Variants in FBXL17 observed in about 807,000 individuals in gnomAD.
FBXL17 encodes F-box/LRR-repeat protein 17.
In FBXL17, 22 loss-of-function variants were observed where a neutral mutation model predicts 66.2. That is an observed-to-expected ratio of 0.33 (90% CI 0.24 to 0.47). The LOEUF (loss-of-function observed/expected upper bound fraction) is 0.47. FBXL17 is among the 20% of genes least tolerant of loss of function. The probability of loss-of-function intolerance (pLI) is 1.00; values close to 1 mark genes in which losing one functional copy is unlikely to be tolerated. For missense variants in FBXL17, 878 were observed against 948.2 expected (o/e 0.93, Z 0.97); for synonymous variants, 474 against 400.5 (o/e 1.18, Z -2.19).
At chr5:108,141,907 C>T (rs149410946) in intron 6 of FBXL17, among the ~76,000 whole-genome samples, 5 of 152,348 alleles carry the variant, frequency 3.3e-5, no homozygotes, top group Admixed American at 6.5e-5. Flanking sequence ...ACTACTCCCA[C>T]CCCAAGTTGA....
chr5:108,138,958 T>G (rs1480066328), intron 6 of FBXL17, among the ~76,000 whole-genome samples: 1 of 152,182 alleles, frequency 6.6e-6, no homozygotes, highest in Non-Finnish European at 1.5e-5. Context: ...TCAGATTTAG[T>G]AACTCATTGA....
At position 108,051,034 on chromosome 5, in the gene FBXL17, CAAG is replaced by C. The variant is rs549702759; in HGVS notation, c.1746-30036_1746-30034del. ...CAGATACACCTTCCAAAGACTAAAC[CAAG>C]AAGAAGCTGAATCCCTGAATAGACC... On this transcript the variant is annotated intron_variant, in intron 6 of 8. Coordinates refer to ENST00000542267, the MANE Select transcript of FBXL17 (RefSeq NM_001163315.3). 1.0e-3 allele frequency among the ~76,000 whole-genome samples: 156 copies of C among 152,112 alleles called. 1 individual carries two copies. The South Asian group carries it at 0.013, about 13-fold the overall frequency.
At chr5:108,006,477 C>T (rs1322028702) in intron 7 of FBXL17, among the ~76,000 whole-genome samples, 1 of 152,030 alleles carries the variant, frequency 6.6e-6, no homozygotes, top group South Asian at 2.1e-4. Context: ...AATAGTGATG[C>T]CATTTACACA....
Position 108,341,026 on chromosome 5 carries a change from G to A in FBXL17, c.1506+7373C>T, listed in dbSNP as rs956756333. Among the ~76,000 whole-genome samples the A allele has an allele frequency of 6.6e-5, 10 of 152,102 alleles. No individual in the cohort carries two copies. In the East Asian group the frequency reaches 1.3e-3, roughly 21 times the overall value. The stretch of plus-strand genomic sequence containing the variant: ...CTCATATATGCCGTAGAGAACTCTT[G>A]AAGATGAGCACAAGAGATTTATACA... On this transcript the variant is annotated intron_variant, in intron 4 of 8. Coordinates refer to ENST00000542267, the MANE Select transcript of FBXL17 (RefSeq NM_001163315.3).
At chr5:108,267,595 T>C (rs1379125187) in intron 4 of FBXL17, among the ~76,000 whole-genome samples, 1 of 152,108 alleles carries the variant, frequency 6.6e-6, no homozygotes, top group Non-Finnish European at 1.5e-5. Flanking sequence ...ATCTATGGTT[T>C]ATTAAACAAA....
At chr5:107,880,957 GAGA>G (rs1424292992) in intron 8 of FBXL17, 77 bp downstream of exon 8, 2 of 1,610,802 alleles carry the variant, frequency 1.2e-6, no homozygotes, top group African/African-American at 1.3e-5. Context: ...GGTGGAGATA[GAGA>G]AGGAGAGAGG....
Position 108,381,072 on chromosome 5 carries a change from C to G in FBXL17, c.620G>C (p.Cys207Ser). Residue 207 changes from cysteine to serine, a missense_variant, in exon 1 of 9, where the codon TGC becomes TCC. Around this residue, in one of 4 missense-constraint regions of FBXL17, gnomAD observed 605 missense variants for 509.5 expected, o/e 1.19. Transcript: ENST00000542267. ...GCAGCGGGGCTGCTTGCAGGGGGTG[C>G]AGGCGGGGACCCCGGCCCCCTTCCG... ...CKRKGAGVPA[C>S]TPCKQPRCGG... 1.6e-6 allele frequency: 2 copies of G among 1,237,126 alleles called. No individual in the cohort carries two copies. The highest frequency in any genetic ancestry group is 2.0e-6 in the Non-Finnish European group (2 of 990,694). 76.6% of individuals were successfully genotyped at this position (1,237,126 alleles called of 1,614,324 possible).
chr5:107,879,682 C>G (rs1748720425), intron 8 of FBXL17: 3 of 985,326 alleles, frequency 3.0e-6, no homozygotes, highest in African/African-American at 1.7e-5. Flanking sequence ...TTAGAAGATG[C>G]ATGCCCTTTG....
chr5:108,058,935 A>G (rs1443890619), intron 6 of FBXL17, among the ~76,000 whole-genome samples: 1 of 152,186 alleles, frequency 6.6e-6, no homozygotes, highest in African/African-American at 2.4e-5. Flanking sequence ...AGCCCAAATC[A>G]TCATTTCCCA....
At chr5:108,076,199 G>C (rs1056851686) in intron 6 of FBXL17, among the ~76,000 whole-genome samples, 1 of 152,082 alleles carries the variant, frequency 6.6e-6, no homozygotes, top group African/African-American at 2.4e-5. Context: ...TTATATCTTT[G>C]GATGTGAGCT....
intron 7 of FBXL17, among the ~76,000 whole-genome samples, chr5:107,926,665 G>T (rs1750535136): frequency 6.6e-6 from 1 of 151,826 alleles, no homozygotes; most frequent in Non-Finnish European, 1.5e-5. Context: ...GATAGGGAAA[G>T]AAGTAAATGC....
intron 7 of FBXL17, among the ~76,000 whole-genome samples, chr5:107,986,081 G>C (rs1450674495): frequency 6.6e-6 from 1 of 152,056 alleles, no homozygotes; most frequent in Non-Finnish European, 1.5e-5. Context: ...CTTTTGACTA[G>C]AGATATAATC....
Position 108,381,449 on chromosome 5 carries a change from C to T in FBXL17, c.243G>A (p.Pro81=). The change falls in exon 1 of 9, where the codon CCG becomes CCA. Residue 81 remains proline, a synonymous_variant. Transcript: ENST00000542267. The part of the protein sequence containing the change: ...PAPAGPEEEP[P]LSPPPRDGAY... The stretch of plus-strand genomic sequence containing the variant: ...CCCCGTCCCGCGGCGGCGGCGAGAG[C>T]GGCGGCTCCTCCTCTGGGCCGGCGG... The T allele has an allele frequency of 1.5e-6, 2 of 1,316,076 alleles. No homozygotes were observed. Among genetic ancestry groups the T allele is most frequent in the South Asian group, 2.2e-5 (1 of 44,524 alleles). The allele number at this position is 1,316,076 out of a possible 1,614,324, so 81.5% of individuals were successfully genotyped here. A position where few individuals can be genotyped will look rare whatever the true frequency, so the allele number is the denominator to read the frequency against.
At chr5:107,971,569 A>G (rs934281932) in intron 7 of FBXL17, among the ~76,000 whole-genome samples, 1 of 152,080 alleles carries the variant, frequency 6.6e-6, no homozygotes, top group African/African-American at 2.4e-5. Context: ...CTCTTTTCTC[A>G]TAAGCTACAA....
chr5:108,264,870 G>T (rs1756983834), intron 4 of FBXL17, among the ~76,000 whole-genome samples: 1 of 151,228 alleles, frequency 6.6e-6, no homozygotes, highest in Non-Finnish European at 1.5e-5. Flanking sequence ...ATTTCCTAAT[G>T]CTATCTAGTA....
At chr5:107,974,215 A>G (rs538727304) in intron 7 of FBXL17, among the ~76,000 whole-genome samples, 1 of 152,308 alleles carries the variant, frequency 6.6e-6, no homozygotes, top group Non-Finnish European at 1.5e-5. Context: ...CAATATAAGA[A>G]GTTAAAGATA....
chr5:108,009,746 T>C (rs1176048464), intron 7 of FBXL17, among the ~76,000 whole-genome samples: 2 of 152,172 alleles, frequency 1.3e-5, no homozygotes, highest in Non-Finnish European at 2.9e-5. Flanking sequence ...GGAAATTAGA[T>C]GAACAAAACG....
intron 4 of FBXL17, among the ~76,000 whole-genome samples, chr5:108,340,584 T>C (rs144009182): frequency 2.4e-4 from 37 of 152,308 alleles, no homozygotes; most frequent in African/African-American, 8.4e-4. Context: ...AGTACATTAG[T>C]GACTTTGGCT....
At position 107,878,569 on chromosome 5, in the gene FBXL17, C is replaced by T. The variant is rs373333674; in HGVS notation, c.1965+2468G>A. The T allele has an allele frequency of 1.1e-4, 103 of 975,336 alleles. No individual in the cohort carries two copies. The African/African-American group carries it at 1.2e-3, about 12-fold the overall frequency. The allele number at this position is 975,336 out of a possible 1,614,324, so 60.4% of individuals were successfully genotyped here. ...GATCTGAACCTGAACTCTGGCTCTC[C>T]GCAGACCATACCGTTGCTACTAATT... On this transcript the variant is annotated intron_variant, in intron 8 of 8. Transcript: ENST00000542267.
Sources: allele counts gnomAD v4.1 joint callset (sites outside exome capture counted in the v4.1 genomes callset), GRCh38; gene constraint gnomAD v4.1.1; regional missense constraint gnomAD v4.1.1; transcripts MANE v1.5; gene names NCBI Gene and HGNC (gene_info 2026-07-23, HGNC 2026-07-21).